CFAP299: variants seen among roughly 807,000 people sequenced by gnomAD.
CFAP299 encodes the protein cilia- and flagella-associated protein 299.
In CFAP299, 21 loss-of-function variants were observed where a neutral mutation model predicts 27.0. The ratio of observed to expected loss-of-function variants is 0.78; its 90% CI spans 0.55 to 1.12. The LOEUF (loss-of-function observed/expected upper bound fraction) is 1.12, where lower values mean the gene tolerates loss of function less well. Ranked by LOEUF, CFAP299 falls within the 50% of genes most tolerant of loss-of-function variation. The pLI, the probability that CFAP299 is intolerant of heterozygous loss-of-function variation, is 0.00. For missense variants in CFAP299, 310 were observed against 276.6 expected, an observed-to-expected ratio of 1.12 and a Z score of -0.86; for synonymous variants, 104 against 98.1, an observed-to-expected ratio of 1.06 and a Z score of -0.36.
chr4:80,436,490 G>A (rs1173487418), intron 2 of CFAP299, among the ~76,000 whole-genome samples: 1 of 152,034 alleles, frequency 6.6e-6, no homozygotes. Flanking sequence ...TTTTAGTAGA[G>A]ACGGGGTTTC....
intron 2 of CFAP299, among the ~76,000 whole-genome samples, chr4:80,370,049 C>T (rs1310364186): frequency 6.6e-6 from 1 of 152,124 alleles, no homozygotes; most frequent in Non-Finnish European, 1.5e-5. Context: ...ATACAGGAAG[C>T]ATGGTGGCAT....
chr4:80,447,137 T>TG (rs1289557291), intron 2 of CFAP299, among the ~76,000 whole-genome samples: 1 of 31,640 alleles, frequency 3.2e-5, no homozygotes, highest in African/African-American at 8.0e-5. Flanking sequence ...TTTGTTTTTT[T>TG]TTTTTTTTTT....
intron 1 of CFAP299, among the ~76,000 whole-genome samples, chr4:80,347,042 A>T (rs1240137500): frequency 6.6e-6 from 1 of 152,078 alleles, no homozygotes; most frequent in East Asian, 1.9e-4. Context: ...GCCATTGTGA[A>T]TGGGAGTTCA....
chr4:80,405,149 C>T (rs979219283), intron 2 of CFAP299, among the ~76,000 whole-genome samples: 4 of 152,140 alleles, frequency 2.6e-5, no homozygotes, highest in African/African-American at 9.7e-5. Flanking sequence ...CATTTCTTTG[C>T]ACCTGAGCTG....
chr4:80,337,119 C>T (rs1722184320), intron 1 of CFAP299, among the ~76,000 whole-genome samples: 1 of 152,134 alleles, frequency 6.6e-6, no homozygotes, highest in African/African-American at 2.4e-5. Flanking sequence ...TCAGTTTATG[C>T]CTTGCATCCA....
intron 3 of CFAP299, among the ~76,000 whole-genome samples, chr4:80,624,233 C>A (rs1738761208): frequency 6.6e-6 from 1 of 151,236 alleles, no homozygotes; most frequent in Non-Finnish European, 1.5e-5. Context: ...AACAAAAATA[C>A]AAAGAAACAA....
At chr4:80,896,398 A>C (rs550667045) in intron 4 of CFAP299, among the ~76,000 whole-genome samples, 1 of 152,252 alleles carries the variant, frequency 6.6e-6, no homozygotes, top group Admixed American at 6.5e-5. Context: ...GTAATGTTTT[A>C]TAGGCAGGAA....
chr4:80,328,931 GA>G, the CFAP299 span, among the ~76,000 whole-genome samples: 1 of 152,040 alleles, frequency 6.6e-6, no homozygotes, highest in Non-Finnish European at 1.5e-5. Context: ...CTATGGTATA[GA>G]ATCAACTTTT....
intron 3 of CFAP299, among the ~76,000 whole-genome samples, chr4:80,665,932 T>C (rs1241499431): frequency 6.6e-6 from 1 of 152,100 alleles, no homozygotes; most frequent in African/African-American, 2.4e-5. Flanking sequence ...GCTCCCTCTT[T>C]GCTTCCTGAC....
Position 80,387,623 on chromosome 4 carries a change from C to A in CFAP299, c.242+24739C>A, listed in dbSNP as rs908461899. The stretch of plus-strand genomic sequence containing the variant: ...GAGTTTCGAGACACAGTGCCACCAC[C>A]GTGTCCTGAAGGCCATACCTTGTGG... On this transcript the variant is annotated intron_variant, in intron 2 of 5. Transcript: ENST00000358105. The A allele has an allele frequency of 2.2e-6, 3 of 1,359,106 alleles. No individual in the cohort carries two copies. The East Asian group carries it at 6.9e-5, about 31-fold the overall frequency. The allele number at this position is 1,359,106 out of a possible 1,614,324, so 84.2% of individuals were successfully genotyped here.
chr4:80,807,405 G>A (rs1196163002), intron 3 of CFAP299, among the ~76,000 whole-genome samples: 1 of 152,056 alleles, frequency 6.6e-6, no homozygotes. Context: ...GGAATTAACA[G>A]ATATTTCACT....
At chr4:80,734,113 A>C (rs960339141) in intron 3 of CFAP299, among the ~76,000 whole-genome samples, 1 of 152,102 alleles carries the variant, frequency 6.6e-6, no homozygotes, top group African/African-American at 2.4e-5. Flanking sequence ...TTTTCTCCAC[A>C]TCCTCACCAG....
chr4:80,803,445 G>C (rs1329676127), intron 3 of CFAP299, among the ~76,000 whole-genome samples: 1 of 151,966 alleles, frequency 6.6e-6, no homozygotes, highest in Non-Finnish European at 1.5e-5. Flanking sequence ...GTGTACAAAA[G>C]CTTCACAGCC....
chr4:80,558,080 A>G (rs1309995089), intron 2 of CFAP299, among the ~76,000 whole-genome samples: 2 of 152,126 alleles, frequency 1.3e-5, no homozygotes, highest in Non-Finnish European at 2.9e-5. Flanking sequence ...TGGTCAACAC[A>G]ACTGAATTAG....
chr4:80,595,508 T>A (rs1307120617), intron 3 of CFAP299, among the ~76,000 whole-genome samples: 3 of 152,220 alleles, frequency 2.0e-5, no homozygotes, highest in African/African-American at 7.2e-5. Context: ...AATTTGTATG[T>A]ATCTGTTGCT....
intron 3 of CFAP299, among the ~76,000 whole-genome samples, chr4:80,830,283 C>T (rs1730226597): frequency 2.0e-5 from 3 of 151,858 alleles, no homozygotes. Flanking sequence ...AATTAAATTA[C>T]AATAAAATAT....
At chr4:80,871,167 A>G in intron 4 of CFAP299, 1 of 970,652 alleles carries the variant, frequency 1.0e-6, no homozygotes, top group Non-Finnish European at 1.2e-6. Context: ...TCAGCCTCCC[A>G]AAGTGCTGGG....
chr4:80,760,122 A>G (rs887493202), intron 3 of CFAP299, among the ~76,000 whole-genome samples: 2 of 152,136 alleles, frequency 1.3e-5, no homozygotes, highest in Non-Finnish European at 2.9e-5. Flanking sequence ...CCTGCAGTAA[A>G]GTCAAATAGG....
chr4:80,794,444 A>G (rs1209884401), intron 3 of CFAP299, among the ~76,000 whole-genome samples: 1 of 152,168 alleles, frequency 6.6e-6, no homozygotes, highest in Admixed American at 6.5e-5. Flanking sequence ...AGTATCATGT[A>G]TTGGACTCTG....
Sources: gnomAD v4.1 joint callset for allele counts (sites outside exome capture counted in the v4.1 genomes callset) on GRCh38, gnomAD v4.1.1 for gene constraint, MANE v1.5 for transcripts, NCBI Gene and HGNC (gene_info 2026-07-23, HGNC 2026-07-21) for gene names.